The following LGSN variants were observed in gnomAD, a reference collection of about 807,000 sequenced individuals.
LGSN encodes the protein lengsin, lens protein with glutamine synthetase domain, also known as lengsin.
LGSN carries 21 observed loss-of-function variants against 19.5 expected under a neutral mutation model. The ratio of observed to expected loss-of-function variants is 1.07; its 90% confidence interval spans 0.76 to 1.55. LGSN has a LOEUF of 1.55. LGSN is among the 40% of genes most tolerant of loss of function. The pLI, the probability that LGSN is intolerant of heterozygous loss-of-function variation, is 0.00. For missense variants in LGSN, 673 were observed against 608.5 expected, an observed-to-expected ratio of 1.11 and a Z score of -1.12; for synonymous variants, 257 against 215.6, an observed-to-expected ratio of 1.19 and a Z score of -1.68.
chr6:63,529,857 A>G, the LGSN span, among the ~76,000 whole-genome samples: 5 of 152,312 alleles, frequency 3.3e-5, no homozygotes, highest in South Asian at 1.0e-3. Context: ...AGAACTAAAA[A>G]TTATCAATTA....
At chr6:63,529,014 GGGA>G in the LGSN span, among the ~76,000 whole-genome samples, 6 of 150,508 alleles carry the variant, frequency 4.0e-5, no homozygotes, top group Non-Finnish European at 8.9e-5. Flanking sequence ...ACTTGAATCT[GGGA>G]GGCAGAGGTT....
chr6:63,452,738 A>G, the LGSN span, among the ~76,000 whole-genome samples: 1 of 151,198 alleles, frequency 6.6e-6, no homozygotes, highest in African/African-American at 2.4e-5. Flanking sequence ...TTTGCAAAGA[A>G]GTAGTGTTGC....
At chr6:63,485,447 T>A in the LGSN span, among the ~76,000 whole-genome samples, 4 of 152,250 alleles carry the variant, frequency 2.6e-5, no homozygotes, top group Non-Finnish European at 4.4e-5. Context: ...GATGGGCATT[T>A]AGATTGATTT....
chr6:63,281,001 G>A lies in LGSN; in HGVS notation c.550C>T (p.Pro184Ser). The A allele has an allele frequency of 6.2e-7, 1 of 1,614,094 alleles. No individual in the cohort carries two copies. The highest frequency in any genetic ancestry group is 8.5e-7 in the Non-Finnish European group (1 of 1,180,012). The change falls in exon 4 of 4, where the codon CCA (proline) becomes TCA (serine). Residue 184 changes from proline to serine, a missense_variant. Physicochemically the swap from Pro to Ser is moderately conservative, Grantham distance 74 (BLOSUM62 -1). Transcript: ENST00000370657. The part of the protein sequence containing the change: ...TVTGEPLLTS[P>S]RYIAKRQLSH... ...AGCTGCCTCTTTGCAATGTACCTTG[G>A]GGAAGTCAAAAGAGGCTCACCAGTC...
At chr6:63,507,710 T>C in the LGSN span, among the ~76,000 whole-genome samples, 1 of 152,224 alleles carries the variant, frequency 6.6e-6, no homozygotes, top group African/African-American at 2.4e-5. Flanking sequence ...AGTACCTGAA[T>C]TATCCCAGTA....
chr6:63,348,741 CTTTT>C, the LGSN span, among the ~76,000 whole-genome samples: 2 of 106,700 alleles, frequency 1.9e-5, no homozygotes, highest in African/African-American at 3.4e-5. Context: ...AAGATTTTTA[CTTTT>C]TTTTTTTTTT....
At chr6:63,515,428 A>G in the LGSN span, among the ~76,000 whole-genome samples, 1 of 151,886 alleles carries the variant, frequency 6.6e-6, no homozygotes, top group Non-Finnish European at 1.5e-5. Flanking sequence ...ATGGGGTTTC[A>G]CCATGTTGGC....
At chr6:63,499,224 C>T in the LGSN span, among the ~76,000 whole-genome samples, 1 of 152,040 alleles carries the variant, frequency 6.6e-6, no homozygotes, top group Non-Finnish European at 1.5e-5. Context: ...ATCATTTTTA[C>T]ATTAATGTGT....
Position 63,280,475 on chromosome 6 carries a change from A to T in LGSN, c.1076T>A (p.Met359Lys). Reference sequence around the variant, plus strand: ...CTTTCGGCAGCTAACAGAAGGCGCCATCAGGCAGCTGAGCGCAGCAGAGTG... The same window carrying T: ...CTTTCGGCAGCTAACAGAAGGCGCCTTCAGGCAGCTGAGCGCAGCAGAGTG... ...LKHSAALSCL[M>K]APSVSCRKRY... Residue 359 changes from methionine to lysine, a missense_variant, in exon 4 of 4, where the codon ATG (methionine) becomes AAG (lysine). By Grantham distance (95) the Met-to-Lys change is moderately conservative (BLOSUM62 -1). Transcript: ENST00000370657. The T allele has an allele frequency of 1.2e-6, 2 of 1,614,170 alleles. No individual in the cohort carries two copies. Among genetic ancestry groups the T allele is most frequent in the Non-Finnish European group, 8.5e-7 (1 of 1,180,046 alleles).
At chr6:63,462,882 AT>A in the LGSN span, among the ~76,000 whole-genome samples, 1 of 152,248 alleles carries the variant, frequency 6.6e-6, no homozygotes, top group East Asian at 1.9e-4. Context: ...TTTAATAAAT[AT>A]GGATTTATGT....
the LGSN span, among the ~76,000 whole-genome samples, chr6:63,468,889 C>T: frequency 6.6e-6 from 1 of 152,130 alleles, no homozygotes; most frequent in African/African-American, 2.4e-5. Context: ...GCTGGGATTA[C>T]AGGCTTGCTT....
the LGSN span, among the ~76,000 whole-genome samples, chr6:63,489,577 C>T: frequency 6.6e-6 from 1 of 152,222 alleles, no homozygotes; most frequent in Non-Finnish European, 1.5e-5. Flanking sequence ...ACCTTGTTGG[C>T]CAGTCTGGTC....
the LGSN span, among the ~76,000 whole-genome samples, chr6:63,406,512 G>A: frequency 6.7e-6 from 1 of 148,674 alleles, no homozygotes; most frequent in African/African-American, 2.6e-5. Flanking sequence ...AGAATCTCTG[G>A]GACACATTCA....
intron 1 of LGSN, among the ~76,000 whole-genome samples, chr6:63,303,414 C>G (rs1768264414): frequency 6.6e-6 from 1 of 152,168 alleles, no homozygotes; most frequent in Admixed American, 6.5e-5. Flanking sequence ...ACTTGTTTCA[C>G]TGGACAAGTT....
chr6:63,471,183 A>G, the LGSN span, among the ~76,000 whole-genome samples: 2 of 148,490 alleles, frequency 1.3e-5, no homozygotes. Flanking sequence ...TTGCCATGTT[A>G]GTCAAGCTGG....
chr6:63,507,235 A>C, the LGSN span, among the ~76,000 whole-genome samples: 1 of 152,136 alleles, frequency 6.6e-6, no homozygotes, highest in African/African-American at 2.4e-5. Context: ...GTACTGTGAG[A>C]ATTCATGTGT....
chr6:63,399,848 A>G, the LGSN span, among the ~76,000 whole-genome samples: 2 of 152,200 alleles, frequency 1.3e-5, no homozygotes, highest in African/African-American at 4.8e-5. Context: ...GGTGTATGCC[A>G]TCACACCCAG....
chr6:63,428,904 C>T, the LGSN span, among the ~76,000 whole-genome samples: 1 of 152,176 alleles, frequency 6.6e-6, no homozygotes, highest in Non-Finnish European at 1.5e-5. Context: ...ATTATAGCAG[C>T]TGGGCATGGT....
chr6:63,390,058 AG>A, the LGSN span, among the ~76,000 whole-genome samples: 1 of 151,560 alleles, frequency 6.6e-6, no homozygotes, highest in Non-Finnish European at 1.5e-5. Context: ...TAATGGTCTC[AG>A]AAACTGTATA....
Sources: allele counts gnomAD v4.1 joint callset (sites outside exome capture counted in the v4.1 genomes callset), GRCh38; gene constraint gnomAD v4.1.1; transcripts MANE v1.5; gene names NCBI Gene and HGNC (gene_info 2026-07-23, HGNC 2026-07-21).